COA8: variants seen among roughly 807,000 people sequenced by gnomAD.
COA8 encodes UPF0671 protein C14orf153.
COA8 carries 20 observed loss-of-function variants against 22.0 expected under a neutral mutation model. The ratio of observed to expected loss-of-function variants is 0.91; its 90% CI spans 0.64 to 1.32. The LOEUF (loss-of-function observed/expected upper bound fraction) is 1.32, where lower values mean the gene tolerates loss of function less well. Among genes scored for constraint, COA8 ranks in the 40% most tolerant of loss-of-function variants. COA8 has a pLI of 0.00. For missense variants in COA8, 266 were observed against 230.0 expected, an observed-to-expected ratio of 1.16 and a Z score of -1.01; for synonymous variants, 105 against 79.9, an observed-to-expected ratio of 1.31 and a Z score of -1.68.
At chr14:103,588,672 T>C (rs542262467) in intron 4 of COA8, among the ~76,000 whole-genome samples, 1 of 151,886 alleles carries the variant, frequency 6.6e-6, no homozygotes, top group African/African-American at 2.4e-5. Flanking sequence ...GACAAAACCC[T>C]GTCTCTACAA....
chr14:103,582,572 C>T (rs764329351), intron 3 of COA8, among the ~76,000 whole-genome samples: 5 of 152,150 alleles, frequency 3.3e-5, no homozygotes, highest in African/African-American at 4.8e-5. Context: ...TCCCGTGTAG[C>T]GGTGGCTCCC....
chr14:103,574,523 A>G (rs923916958), intron 3 of COA8: 1 of 479,384 alleles, frequency 2.1e-6, no homozygotes, highest in Non-Finnish European at 4.1e-6. Flanking sequence ...GCCTCTCCTT[A>G]TTTTCTCCTG....
chr14:103,575,060 C>T (rs1595142088), intron 3 of COA8, among the ~76,000 whole-genome samples: 1 of 152,258 alleles, frequency 6.6e-6, no homozygotes, highest in Non-Finnish European at 1.5e-5. Flanking sequence ...ATTGCAAAGC[C>T]TTACTGGGCC....
At position 103,563,070 on chromosome 14, in the gene COA8, C is replaced by T. The variant is rs1381802148; in HGVS notation, c.69C>T (p.Gly23=). Residue 23 remains glycine, a synonymous_variant, in exon 1 of 5, where the codon GGC becomes GGT. Coordinates refer to ENST00000409074, the MANE Select transcript of COA8 (RefSeq NM_001370595.2). ...PPLCRAFACR[G]CQLAPERGAE... is the part of the protein sequence containing the mutation. ...TCTGCCGCGCCTTCGCCTGCCGCGG[C>T]TGTCAACTCGCTCCGGAGCGCGGCG... 47 of 1,541,492 alleles carry T rather than the reference C, an allele frequency of 3.0e-5. No homozygotes were observed. Among genetic ancestry groups the T allele is most frequent in the Admixed American group, 5.8e-5 (3 of 51,692 alleles).
intron 1 of COA8, among the ~76,000 whole-genome samples, chr14:103,570,498 T>A (rs1363272466): frequency 3.3e-5 from 5 of 152,174 alleles, no homozygotes; most frequent in South Asian, 2.1e-4. Flanking sequence ...TTTGGGAGGC[T>A]GAGGCAGGCA....
At position 103,563,130 on chromosome 14, in the gene COA8, CA is replaced by C. The variant is rs1177741854; in HGVS notation, c.123+7del. ...GGGATACGGCGCCCAGCGGGGTAAG[CA>C]GGGGCCTGGGGACATTGGGCCGGGA... On this transcript the variant is annotated splice_region_variant and intron_variant, in intron 1 of 4. Transcript: ENST00000409074. The C allele has an allele frequency of 2.6e-6, 4 of 1,539,766 alleles. No homozygotes were observed. Among genetic ancestry groups the C allele is most frequent in the Non-Finnish European group, 2.6e-6 (3 of 1,148,526 alleles).
At chr14:103,584,437 C>T (rs1342299542) in intron 3 of COA8, among the ~76,000 whole-genome samples, 2 of 152,126 alleles carry the variant, frequency 1.3e-5, no homozygotes, top group South Asian at 2.1e-4. Context: ...CTGCCCCATT[C>T]GAACAGGAGC....
In COA8 at chr14:103,572,113, C is replaced by A. The variant is rs3742460; in HGVS notation, c.321+293C>A. Among the ~76,000 whole-genome samples the A allele has an allele frequency of 8.9e-4, 134 of 150,504 alleles. 3 individuals carry two copies. The East Asian group carries it at 0.021, about 24-fold the overall frequency. Reference sequence around the variant, plus strand: ...CTGCACTCCAGCCTGGGTGACAGAGCCAGACTCGTCTCAAAAAAAAAAAAA... The same window carrying A: ...CTGCACTCCAGCCTGGGTGACAGAGACAGACTCGTCTCAAAAAAAAAAAAA... On this transcript the variant is annotated intron_variant, in intron 2 of 4. Transcript: ENST00000409074.
chr14:103,571,466 T>G (rs2076183574), intron 1 of COA8, among the ~76,000 whole-genome samples, 157 bp from the exon 2 acceptor site: 1 of 152,156 alleles, frequency 6.6e-6, no homozygotes. Context: ...GGCTCCTACT[T>G]GTAATCCCAG....
chr14:103,582,265 C>T (rs1056297983), intron 3 of COA8, among the ~76,000 whole-genome samples: 1 of 152,180 alleles, frequency 6.6e-6, no homozygotes, highest in African/African-American at 2.4e-5. Context: ...GTCCCTGAGC[C>T]ATAGCTGGGG....
chr14:103,588,116 CAAAAAAAAAAA>C (rs1221577064), intron 4 of COA8: 5 of 64,662 alleles, frequency 7.7e-5, no homozygotes, highest in Admixed American at 2.5e-4. Flanking sequence ...AACTCCATCT[CAAAAAAAAAAA>C]AAAAAAAAAA....
chr14:103,587,604 T>C (rs1595151252), intron 4 of COA8, among the ~76,000 whole-genome samples: 1 of 149,928 alleles, frequency 6.7e-6, no homozygotes, highest in African/African-American at 2.5e-5. Context: ...GCCTCCTGGG[T>C]TCACGCCATT....
chr14:103,569,443 C>T (rs565491740), intron 1 of COA8, among the ~76,000 whole-genome samples: 45 of 152,302 alleles, frequency 3.0e-4, no homozygotes, highest in African/African-American at 8.4e-4. Context: ...GAAAAGTAGC[C>T]GAACACACTT....
chr14:103,565,101 G>A (rs963158403), intron 1 of COA8, among the ~76,000 whole-genome samples: 8 of 152,006 alleles, frequency 5.3e-5, no homozygotes, highest in African/African-American at 1.9e-4. Flanking sequence ...GATCACAGGC[G>A]CATGCTGCCA....
intron 3 of COA8, among the ~76,000 whole-genome samples, chr14:103,579,776 A>T (rs971578560): frequency 6.6e-6 from 1 of 151,432 alleles, no homozygotes; most frequent in Non-Finnish European, 1.5e-5. Flanking sequence ...CAGCCTGGCC[A>T]ACAATGTGAA....
chr14:103,578,158 C>T (rs1451418614), intron 3 of COA8, among the ~76,000 whole-genome samples: 3 of 151,816 alleles, frequency 2.0e-5, no homozygotes, highest in African/African-American at 7.3e-5. Flanking sequence ...TGTGTCACTG[C>T]ACTCCAGCCT....
At chr14:103,565,672 G>A (rs1488948882) in intron 1 of COA8, among the ~76,000 whole-genome samples, 1 of 149,644 alleles carries the variant, frequency 6.7e-6, no homozygotes, top group Non-Finnish European at 1.5e-5. Context: ...CTGGAGTGCA[G>A]TGGCGTGATC....
At chr14:103,586,244 G>T (rs1595150127) in intron 3 of COA8, among the ~76,000 whole-genome samples, 1 of 126,184 alleles carries the variant, frequency 7.9e-6, no homozygotes, top group East Asian at 2.4e-4. Flanking sequence ...GTCTGGCTCT[G>T]TTGCCCAGGC....
At position 103,581,657 on chromosome 14, in the gene COA8, G is replaced by C. The variant is rs2076268221; in HGVS notation, c.386-5617G>C. Reference sequence around the variant, plus strand: ...GTGCTGCCGCCATCTCCCTTACACAGTTGAGTAAACCGAGGCACAGAAGAA... The same window carrying C: ...GTGCTGCCGCCATCTCCCTTACACACTTGAGTAAACCGAGGCACAGAAGAA... On this transcript the variant is annotated intron_variant, in intron 3 of 4. Transcript: ENST00000409074. This position sits in a 1 kb window ranked among gnomAD's most constrained non-coding sequence, Gnocchi z 4.1. The C allele has an allele frequency of 2.5e-6, 1 of 398,596 alleles. No homozygotes were observed. Among genetic ancestry groups the C allele is most frequent in the Non-Finnish European group, 4.4e-6 (1 of 226,132 alleles). 24.7% of individuals were successfully genotyped at this position (398,596 alleles called of 1,614,324 possible). A position where few individuals can be genotyped will look rare whatever the true frequency, so the allele number is the denominator to read the frequency against.
Sources: allele counts gnomAD v4.1 joint callset (sites outside exome capture counted in the v4.1 genomes callset), GRCh38; gene constraint gnomAD v4.1.1; non-coding constraint Gnocchi (gnomAD v3.1); transcripts MANE v1.5; gene names NCBI Gene and HGNC (gene_info 2026-07-23, HGNC 2026-07-21).